Variants in HECTD2 observed in about 807,000 individuals in gnomAD.
The protein encoded by HECTD2 is HECT domain E3 ubiquitin protein ligase 2.
In HECTD2, 35 loss-of-function variants were observed where a neutral mutation model predicts 103.2. The observed-to-expected ratio is 0.34, with a 90% CI of 0.26 to 0.45. The LOEUF (loss-of-function observed/expected upper bound fraction) is 0.45, where lower values mean the gene tolerates loss of function less well. Among genes scored for constraint, HECTD2 ranks in the 20% least tolerant of loss-of-function variants. The pLI, the probability that HECTD2 is intolerant of heterozygous loss-of-function variation, is 1.00. For missense variants in HECTD2, 596 were observed against 937.4 expected (o/e 0.64, Z 4.76); for synonymous variants, 281 against 329.9 (o/e 0.85, Z 1.61).
At chr10:91,498,632 G>A (rs1846774588) in intron 16 of HECTD2, among the ~76,000 whole-genome samples, 1 of 152,098 alleles carries the variant, frequency 6.6e-6, no homozygotes, top group African/African-American at 2.4e-5. Flanking sequence ...CAGTTTTGTG[G>A]ACTTCATTAA....
intron 19 of HECTD2, 72 bp from the exon 20 acceptor site, chr10:91,501,119 C>A: frequency 1.5e-6 from 2 of 1,320,302 alleles, no homozygotes; most frequent in Non-Finnish European, 2.1e-6. Context: ...TTCCTTAGAG[C>A]TTCCTTTATA....
At chr10:91,429,765 C>T (rs1269419452) in intron 2 of HECTD2, among the ~76,000 whole-genome samples, 1 of 152,052 alleles carries the variant, frequency 6.6e-6, no homozygotes, top group Non-Finnish European at 1.5e-5. Context: ...TGATTCTTCT[C>T]TCCTTTTTTC....
At chr10:91,503,571 G>T (rs1204204310) in intron 20 of HECTD2, among the ~76,000 whole-genome samples, 2 of 152,202 alleles carry the variant, frequency 1.3e-5, no homozygotes, top group Non-Finnish European at 2.9e-5. Context: ...TTTTCCGACG[G>T]GCTTAAAAAA....
At chr10:91,507,221 G>C (rs969813267) in intron 20 of HECTD2, among the ~76,000 whole-genome samples, 4 of 151,012 alleles carry the variant, frequency 2.6e-5, no homozygotes, top group African/African-American at 9.8e-5. Context: ...GCACAAGACA[G>C]GGATGCCCTC....
At chr10:91,492,999 T>G (rs558737650) in intron 13 of HECTD2, among the ~76,000 whole-genome samples, 21 of 151,992 alleles carry the variant, frequency 1.4e-4, no homozygotes, top group African/African-American at 4.6e-4. Flanking sequence ...AGTGTTTTCC[T>G]TATTCTTTAG....
At chr10:91,451,252 T>A (rs1183813439) in intron 2 of HECTD2, among the ~76,000 whole-genome samples, 2 of 152,080 alleles carry the variant, frequency 1.3e-5, no homozygotes, top group African/African-American at 4.8e-5. Context: ...AGCATTATTC[T>A]CAGCAAACTA....
chr10:91,490,211 A>G lies in HECTD2; in HGVS notation c.1192-989A>G, dbSNP rs114904404. The stretch of plus-strand genomic sequence containing the variant: ...GAGTTGAAATAGTACTGTAAACACA[A>G]TTTTATTTCCTACTTTCTTCAGTGT... On this transcript the variant is annotated intron_variant, in intron 11 of 20. Coordinates refer to ENST00000298068, the MANE Select transcript of HECTD2 (RefSeq NM_182765.6). 2.1e-3 allele frequency among the ~76,000 whole-genome samples: 303 copies of G among 143,454 alleles called. 1 individual carries two copies. Among genetic ancestry groups the G allele is most frequent in the African/African-American group, 8.8e-3 (293 of 33,116 alleles). The allele number at this position is 143,454 out of a possible 152,430, so 94.1% of individuals were successfully genotyped here.
intron 5 of HECTD2, among the ~76,000 whole-genome samples, chr10:91,477,326 G>T (rs954931649): frequency 4.5e-4 from 68 of 152,344 alleles, no homozygotes; most frequent in African/African-American, 1.3e-3. Flanking sequence ...TTGAAGTGTA[G>T]AGAAGTAAGT....
chr10:91,502,623 A>C (rs1285633111), intron 20 of HECTD2, among the ~76,000 whole-genome samples: 1 of 152,144 alleles, frequency 6.6e-6, no homozygotes. Context: ...TATATAATTA[A>C]ATTTCTAAAC....
chr10:91,435,910 T>C lies in HECTD2; in HGVS notation c.268+10500T>C, dbSNP rs929573474. On this transcript the variant is annotated intron_variant, in intron 2 of 20. Transcript: ENST00000298068. ...TAATTTTCTTTTTTACTTGTATTTCTCTTCTCTTTTGCTTTATGATTTAGG... is the reference window on the plus strand; with the variant it reads ...TAATTTTCTTTTTTACTTGTATTTCCCTTCTCTTTTGCTTTATGATTTAGG... Among the ~76,000 whole-genome samples, 3 of 152,012 alleles carry C rather than the reference T, an allele frequency of 2.0e-5. No homozygotes were observed. In the South Asian group the frequency reaches 6.2e-4, roughly 31 times the overall value.
intron 5 of HECTD2, 152 bp downstream of exon 5, chr10:91,462,336 A>G (rs1219154106): frequency 9.1e-7 from 1 of 1,101,406 alleles, no homozygotes; most frequent in Admixed American, 3.8e-5. Context: ...ATAAAGTTAG[A>G]TTATTTTATT....
At position 91,429,238 on chromosome 10, in the gene HECTD2, A is replaced by G. The variant is rs563013909; in HGVS notation, c.268+3828A>G. On this transcript the variant is annotated intron_variant, in intron 2 of 20. Transcript: ENST00000298068. ...TCCCAGGGATGAAGCCCACTTGATC[A>G]TGGTGGAGAAGCTTTTTGATGTGCT... 1.9e-4 allele frequency among the ~76,000 whole-genome samples: 29 copies of G among 152,212 alleles called. No homozygotes were observed. The South Asian group carries it at 5.0e-3, about 26-fold the overall frequency.
intron 12 of HECTD2, 74 bp downstream of exon 12, chr10:91,491,381 A>C (rs2133316118): frequency 2.8e-6 from 2 of 713,982 alleles, no homozygotes; most frequent in South Asian, 1.9e-5. Context: ...AATCATAGTA[A>C]ACTTTTTTAT....
chr10:91,422,748 T>G (rs1283169043), intron 1 of HECTD2, among the ~76,000 whole-genome samples: 4 of 152,192 alleles, frequency 2.6e-5, no homozygotes, highest in Non-Finnish European at 4.4e-5. Flanking sequence ...TGTGTATCAC[T>G]GTCTTACCTC....
rs542018906 is a variant in HECTD2 at position 91,468,444 on chromosome 10, C to T, written c.600+6260C>T. ...AAGGGTAGCAACTCCAGAAACTGAACGAATGTCAACTCACTCAGATGAGAA... is the reference window on the plus strand; with the variant it reads ...AAGGGTAGCAACTCCAGAAACTGAATGAATGTCAACTCACTCAGATGAGAA... On this transcript the variant is annotated intron_variant, in intron 5 of 20. Coordinates refer to ENST00000298068, the MANE Select transcript of HECTD2 (RefSeq NM_182765.6). Among the ~76,000 whole-genome samples the T allele has an allele frequency of 7.3e-4, 111 of 152,234 alleles. 1 individual carries two copies. In the South Asian group the frequency reaches 8.1e-3, roughly 11 times the overall value.
chr10:91,421,540 GTT>G (rs938147824), intron 1 of HECTD2, among the ~76,000 whole-genome samples: 8 of 152,184 alleles, frequency 5.3e-5, no homozygotes, highest in East Asian at 1.9e-4. Context: ...TTTTAAGAAA[GTT>G]TATGAATTTG....
chr10:91,467,293 G>A (rs969149666), intron 5 of HECTD2, among the ~76,000 whole-genome samples: 9 of 152,188 alleles, frequency 5.9e-5, no homozygotes, highest in Admixed American at 5.9e-4. Context: ...ACTCCAGCCT[G>A]TGTGGCGCCC....
rs1306137147 is a variant in HECTD2 at position 91,514,385 on chromosome 10, C to G, written c.*2001C>G. ...AGTTGAAATGTATAATCATTTATCA[C>G]TAAATTGCACATTGCCTTTATTTAT... On this transcript the variant is annotated 3_prime_UTR_variant, in exon 21 of 21. Coordinates refer to ENST00000298068, the MANE Select transcript of HECTD2 (RefSeq NM_182765.6). The G allele has an allele frequency of 6.6e-6, 1 of 152,572 alleles. No individual in the cohort carries two copies. The highest frequency in any genetic ancestry group is 1.5e-5 in the Non-Finnish European group (1 of 68,014). The allele number at this position is 152,572 out of a possible 1,614,324, so 9.5% of individuals were successfully genotyped here. A position where few individuals can be genotyped will look rare whatever the true frequency, so the allele number is the denominator to read the frequency against.
At chr10:91,423,124 CTGA>C (rs1843421844) in intron 1 of HECTD2, among the ~76,000 whole-genome samples, 1 of 152,082 alleles carries the variant, frequency 6.6e-6, no homozygotes, top group South Asian at 2.1e-4. Flanking sequence ...TGAAAATAGG[CTGA>C]TGTGTTCAAC....
Sources: gnomAD v4.1 joint callset for allele counts (sites outside exome capture counted in the v4.1 genomes callset) on GRCh38, gnomAD v4.1.1 for gene constraint, MANE v1.5 for transcripts, NCBI Gene and HGNC (gene_info 2026-07-23, HGNC 2026-07-21) for gene names.